The following PADI4 variants were observed in gnomAD, a reference collection of about 807,000 sequenced individuals.
PADI4 encodes the protein peptidyl arginine deiminase 4, also known as protein-arginine deiminase type-4.
Under a neutral mutation model 75.0 loss-of-function variants are expected in PADI4, and 62 were observed. That is an observed-to-expected ratio of 0.83 (90% confidence interval 0.67 to 1.02). The LOEUF is 1.02. Among genes scored for constraint, PADI4 ranks in the 50% least tolerant of loss-of-function variants. PADI4 has a pLI of 0.00. For missense variants in PADI4, 845 were observed against 850.5 expected (o/e 0.99, Z 0.08); for synonymous variants, 361 against 348.1 (o/e 1.04, Z -0.41).
chr1:17,328,351 G>A (rs530386632), intron 1 of PADI4, among the ~76,000 whole-genome samples: 18 of 151,978 alleles, frequency 1.2e-4, no homozygotes, highest in South Asian at 8.3e-4. Flanking sequence ...TAGGCCAGGC[G>A]CATAAAAGTT....
Position 17,355,184 on chromosome 1 carries a change from A to G in PADI4, c.1310+497A>G, listed in dbSNP as rs2074738822. 2.0e-5 allele frequency among the ~76,000 whole-genome samples: 3 copies of G among 152,188 alleles called. No homozygotes were observed. In the South Asian group the frequency reaches 6.2e-4, roughly 31 times the overall value. Reference sequence around the variant, plus strand: ...ATCTGGGACAGAGAGTTCCTGGCAAATGAAAGTGCATGTGCAAAGGCCCTG... The same window carrying G: ...ATCTGGGACAGAGAGTTCCTGGCAAGTGAAAGTGCATGTGCAAAGGCCCTG... On this transcript the variant is annotated intron_variant, in intron 11 of 15. Coordinates refer to ENST00000375448, the MANE Select transcript of PADI4 (RefSeq NM_012387.3).
intron 10 of PADI4, among the ~76,000 whole-genome samples, chr1:17,351,348 C>T (rs1246586261): frequency 2.7e-5 from 4 of 148,606 alleles, no homozygotes; most frequent in African/African-American, 7.5e-5. Context: ...CCCAGCACTT[C>T]GGGAGGCCAA....
In PADI4 at chr1:17,334,364, A is replaced by G. The variant is rs201531901; in HGVS notation, c.340+355A>G. The G allele has an allele frequency of 2.1e-4, 94 of 449,212 alleles. No homozygotes were observed. The East Asian group carries it at 5.6e-3, about 27-fold the overall frequency. The allele number at this position is 449,212 out of a possible 1,614,324, so 27.8% of individuals were successfully genotyped here. ...GTCACCCAGGCTGGAGTGCAATGGC[A>G]TGATCTCGGCTCACTGCAACCTGCG... On this transcript the variant is annotated intron_variant, in intron 3 of 15. Coordinates refer to ENST00000375448, the MANE Select transcript of PADI4 (RefSeq NM_012387.3).
chr1:17,362,024 T>C (rs745481483), intron 15 of PADI4, among the ~76,000 whole-genome samples: 2 of 152,088 alleles, frequency 1.3e-5, no homozygotes, highest in Non-Finnish European at 2.9e-5. Flanking sequence ...AGAAAGAGTT[T>C]ACCAGAAGGT....
rs538534066 is a variant in PADI4 at position 17,319,716 on chromosome 1, C to T, written c.93-11253C>T. ...CTGCCACATGGTTGAACAATATTTA[C>T]GGACAGAAAAACGAAAGTGACCCAC... On this transcript the variant is annotated intron_variant, in intron 1 of 15. Coordinates refer to ENST00000375448, the MANE Select transcript of PADI4 (RefSeq NM_012387.3). Among the ~76,000 whole-genome samples the T allele has an allele frequency of 2.0e-3, 297 of 152,270 alleles. 2 individuals are homozygous for T. The highest frequency in any genetic ancestry group is 6.7e-3 in the African/African-American group (278 of 41,546).
At chr1:17,324,962 C>T (rs1438890051) in intron 1 of PADI4, among the ~76,000 whole-genome samples, 3 of 152,170 alleles carry the variant, frequency 2.0e-5, no homozygotes, top group Non-Finnish European at 4.4e-5. Flanking sequence ...AAGTTTTATC[C>T]TTCCTTTGTC....
At position 17,342,080 on chromosome 1, in the gene PADI4, C is replaced by T; in HGVS notation, c.790C>T (p.Leu264Phe). 1 of 1,614,082 alleles carries T rather than the reference C, an allele frequency of 6.2e-7. No individual in the cohort carries two copies. The highest frequency in any genetic ancestry group is 2.2e-5 in the East Asian group (1 of 44,878). The change falls in exon 7 of 16, where the codon CTC (leucine) becomes TTC (phenylalanine). Residue 264 changes from leucine to phenylalanine, a missense_variant. By Grantham distance (22) the Leu-to-Phe change is conservative. Transcript: ENST00000375448. ...TTTCCCGGACACCGACTTCCCGGGG[C>T]TCATTACCCTCACCATCTCCCTGCT... is the stretch of plus-strand genomic sequence containing the variant. ...LAFPDTDFPG[L>F]ITLTISLLDT...
At chr1:17,361,330 C>T (rs572218914) in intron 15 of PADI4, among the ~76,000 whole-genome samples, 4 of 152,360 alleles carry the variant, frequency 2.6e-5, no homozygotes, top group Admixed American at 6.5e-5. Flanking sequence ...CTTCCCAGTG[C>T]GGGAATGAAA....
chr1:17,320,742 C>T (rs2074019569), intron 1 of PADI4, among the ~76,000 whole-genome samples: 1 of 152,170 alleles, frequency 6.6e-6, no homozygotes. Context: ...TTACTGTCAC[C>T]TGTTTTATCA....
At chr1:17,340,739 T>C (rs949319432) in intron 6 of PADI4, among the ~76,000 whole-genome samples, 1 of 148,414 alleles carries the variant, frequency 6.7e-6, no homozygotes, top group African/African-American at 2.5e-5. Flanking sequence ...TTTTTTTGCA[T>C]GGGCCTGACA....
intron 1 of PADI4, among the ~76,000 whole-genome samples, chr1:17,313,539 G>A (rs2073879649): frequency 1.4e-5 from 2 of 145,656 alleles, no homozygotes; most frequent in Admixed American, 6.9e-5. Flanking sequence ...AAGGAAAGAA[G>A]GAAAGAAGGA....
chr1:17,338,955 G>A (rs1570044495), intron 5 of PADI4, among the ~76,000 whole-genome samples: 1 of 152,308 alleles, frequency 6.6e-6, no homozygotes, highest in African/African-American at 2.4e-5. Flanking sequence ...CTGACATGCG[G>A]TAATAATCAC....
Position 17,359,329 on chromosome 1 carries a change from C to A in PADI4, c.1679C>A (p.Ala560Asp). ...RELLKRELGLAESDIIDIPQL... is the reference protein window; with the variant it reads ...RELLKRELGLDESDIIDIPQL... ...CTGCTGAAGCGGGAGCTGGGCCTGG[C>A]CGAGAGTGACATCATTGACATCCCG... is the stretch of plus-strand genomic sequence containing the variant. Residue 560 changes from alanine (A) to aspartate (D), a missense_variant, in exon 15 of 16, where the codon GCC becomes GAC. Ala to Asp is a moderately radical substitution (Grantham distance 126). Coordinates refer to ENST00000375448, the MANE Select transcript of PADI4 (RefSeq NM_012387.3). 5 of 1,595,802 alleles carry A rather than the reference C, an allele frequency of 3.1e-6. No individual in the cohort carries two copies. The highest frequency in any genetic ancestry group is 4.3e-6 in the Non-Finnish European group (5 of 1,169,206).
At chr1:17,340,282 T>G (rs1047614060) in intron 6 of PADI4, among the ~76,000 whole-genome samples, 7 of 152,152 alleles carry the variant, frequency 4.6e-5, no homozygotes, top group Non-Finnish European at 8.8e-5. Context: ...GCTTTCATCT[T>G]AGTGGCTGGG....
intron 11 of PADI4, 36 bp downstream of exon 11, chr1:17,354,723 C>G (rs1319366982): frequency 6.4e-7 from 1 of 1,550,970 alleles, no homozygotes; most frequent in Admixed American, 1.9e-5. Flanking sequence ...GTGGCCAGGA[C>G]CCAGGTATGC....
At chr1:17,310,483 G>C (rs989094677) in intron 1 of PADI4, among the ~76,000 whole-genome samples, 1 of 151,980 alleles carries the variant, frequency 6.6e-6, no homozygotes, top group Non-Finnish European at 1.5e-5. Flanking sequence ...CCTCACCTCC[G>C]CCCCTCATAT....
At chr1:17,322,168 C>T (rs1557544549) in intron 1 of PADI4, among the ~76,000 whole-genome samples, 2 of 152,122 alleles carry the variant, frequency 1.3e-5, no homozygotes, top group Non-Finnish European at 1.5e-5. Flanking sequence ...TAAAGATAAG[C>T]TCTGTCCTTT....
At chr1:17,342,147 CG>C in intron 7 of PADI4, 26 bp downstream of exon 7, 1 of 1,607,196 alleles carries the variant, frequency 6.2e-7, no homozygotes, top group Non-Finnish European at 8.5e-7. Flanking sequence ...AGCCCTGCAT[CG>C]GGGGCCTGGG....
intron 1 of PADI4, among the ~76,000 whole-genome samples, chr1:17,328,359 G>A (rs538626573): frequency 4.2e-4 from 63 of 151,602 alleles, no homozygotes; most frequent in Non-Finnish European, 8.5e-4. Context: ...GCGCATAAAA[G>A]TTTAGGCCAG....
Sources: gnomAD v4.1 joint callset for allele counts (sites outside exome capture counted in the v4.1 genomes callset) on GRCh38, gnomAD v4.1.1 for gene constraint, MANE v1.5 for transcripts, NCBI Gene and HGNC (gene_info 2026-07-23, HGNC 2026-07-21) for gene names.